Variants in TNKS observed in about 807,000 individuals in gnomAD.
The protein encoded by TNKS is tankyrase.
In TNKS, 72 loss-of-function variants were observed where a neutral mutation model predicts 135.8. That is an observed-to-expected ratio of 0.53 (90% CI 0.44 to 0.64). The LOEUF (loss-of-function observed/expected upper bound fraction) is 0.64. Among genes scored for constraint, TNKS ranks in the 30% least tolerant of loss-of-function variants. The probability of loss-of-function intolerance (pLI) is 0.00; values close to 1 mark genes in which losing one functional copy is unlikely to be tolerated. For missense variants in TNKS, 1,769 were observed against 1,674.0 expected (o/e 1.06, Z -0.99); for synonymous variants, 849 against 649.3 (o/e 1.31, Z -4.68).
chr8:9,724,704 C>G (rs1318096486), intron 12 of TNKS, among the ~76,000 whole-genome samples: 1 of 152,186 alleles, frequency 6.6e-6, no homozygotes, highest in Non-Finnish European at 1.5e-5. Flanking sequence ...TCTCTACAAT[C>G]TGGATAGTAA....
intron 1 of TNKS, among the ~76,000 whole-genome samples, chr8:9,560,730 T>G (rs1004986107): frequency 6.6e-6 from 1 of 151,978 alleles, no homozygotes; most frequent in African/African-American, 2.4e-5. Context: ...AGGGTCTAAT[T>G]TGGTAATAGA....
intron 2 of TNKS, among the ~76,000 whole-genome samples, chr8:9,599,816 A>G (rs1477234631): frequency 1.3e-5 from 2 of 152,078 alleles, no homozygotes; most frequent in Non-Finnish European, 2.9e-5. Flanking sequence ...TTGATTTTCT[A>G]TATTTATAAG....
At chr8:9,648,478 A>T (rs907690353) in intron 3 of TNKS, among the ~76,000 whole-genome samples, 2 of 152,154 alleles carry the variant, frequency 1.3e-5, no homozygotes, top group African/African-American at 2.4e-5. Flanking sequence ...TAGGATCGTC[A>T]TTATCACTGG....
At chr8:9,581,411 G>C (rs1470106967) in intron 2 of TNKS, among the ~76,000 whole-genome samples, 2 of 152,088 alleles carry the variant, frequency 1.3e-5, no homozygotes, top group African/African-American at 2.4e-5. Flanking sequence ...ACATCTTCCA[G>C]TTTCAACTGA....
intron 3 of TNKS, among the ~76,000 whole-genome samples, chr8:9,616,081 C>T (rs936927141): frequency 2.1e-4 from 32 of 152,042 alleles, no homozygotes; most frequent in Non-Finnish European, 1.5e-5. Context: ...TTTCTTGGAT[C>T]GATAGTCAAA....
intron 2 of TNKS, among the ~76,000 whole-genome samples, chr8:9,580,674 C>T (rs914760273): frequency 1.1e-4 from 16 of 152,022 alleles, no homozygotes; most frequent in African/African-American, 3.9e-4. Flanking sequence ...AAAGACTGGA[C>T]ATTTTCTATC....
chr8:9,729,569 C>T (rs965419198), intron 13 of TNKS, among the ~76,000 whole-genome samples: 15 of 152,098 alleles, frequency 9.9e-5, no homozygotes, highest in African/African-American at 3.4e-4. Context: ...AGCAGAAAGA[C>T]TAAGAGGTTA....
intron 1 of TNKS, among the ~76,000 whole-genome samples, chr8:9,560,992 A>G (rs1020517010): frequency 6.6e-6 from 1 of 152,180 alleles, no homozygotes; most frequent in Admixed American, 6.5e-5. Flanking sequence ...TGATATGTAA[A>G]TTTATTGCTA....
chr8:9,722,225 A>G (rs1244005274), intron 12 of TNKS, among the ~76,000 whole-genome samples: 1 of 152,176 alleles, frequency 6.6e-6, no homozygotes, highest in Admixed American at 6.5e-5. Flanking sequence ...ACCCCAAGAA[A>G]TACAGCCAAG....
intron 20 of TNKS, among the ~76,000 whole-genome samples, chr8:9,754,568 A>G (rs1806736853): frequency 6.6e-6 from 1 of 152,128 alleles, no homozygotes; most frequent in African/African-American, 2.4e-5. Flanking sequence ...CTTAATGATA[A>G]GAACAGCCGA....
At chr8:9,662,985 G>A (rs1194962871) in intron 3 of TNKS, among the ~76,000 whole-genome samples, 1 of 152,150 alleles carries the variant, frequency 6.6e-6, no homozygotes, top group Admixed American at 6.5e-5. Flanking sequence ...GATTATCTTG[G>A]GTTATCTGGA....
intron 3 of TNKS, among the ~76,000 whole-genome samples, chr8:9,628,401 T>C (rs1800149215): frequency 6.6e-6 from 1 of 152,182 alleles, no homozygotes; most frequent in South Asian, 2.1e-4. Flanking sequence ...AACTCTGTCT[T>C]GCATATCCGT....
At chr8:9,761,470 TAAG>T (rs757660976) in intron 20 of TNKS, 43 bp from the exon 21 acceptor site, 2 of 1,603,448 alleles carry the variant, frequency 1.2e-6, no homozygotes, top group Admixed American at 3.4e-5. Flanking sequence ...TTTGTCCTCT[TAAG>T]AACTGTTAAA....
At chr8:9,655,991 T>G (rs973442622) in intron 3 of TNKS, among the ~76,000 whole-genome samples, 3 of 152,026 alleles carry the variant, frequency 2.0e-5, no homozygotes, top group Non-Finnish European at 2.9e-5. Context: ...GTTAAAAACC[T>G]TGAAAAAAAA....
chr8:9,678,177 C>G (rs1198170813), intron 3 of TNKS, among the ~76,000 whole-genome samples: 1 of 152,160 alleles, frequency 6.6e-6, no homozygotes, highest in Non-Finnish European at 1.5e-5. Flanking sequence ...AAATGTGACT[C>G]TACGAAATTA....
chr8:9,663,289 G>A lies in TNKS; in HGVS notation c.995-16662G>A, dbSNP rs774739643. 7.2e-5 allele frequency among the ~76,000 whole-genome samples: 11 copies of A among 152,212 alleles called. No individual in the cohort carries two copies. The South Asian group carries it at 8.3e-4, about 11-fold the overall frequency. On this transcript the variant is annotated intron_variant, in intron 3 of 26. Coordinates refer to ENST00000310430, the MANE Select transcript of TNKS (RefSeq NM_003747.3). ...TAACAATAGGAAACTAATATCTGAA[G>A]TGTTTGACCTTTTGTTGCCCAGTTA...
At chr8:9,697,405 G>T (rs1336219772) in intron 5 of TNKS, among the ~76,000 whole-genome samples, 1 of 152,080 alleles carries the variant, frequency 6.6e-6, no homozygotes, top group Non-Finnish European at 1.5e-5. Context: ...AGAATTTTTG[G>T]CTAAGTCTCC....
At chr8:9,590,748 G>T (rs751595877) in intron 2 of TNKS, among the ~76,000 whole-genome samples, 1 of 152,072 alleles carries the variant, frequency 6.6e-6, no homozygotes, top group Non-Finnish European at 1.5e-5. Context: ...ATCTTTGTCC[G>T]TTATTAAATT....
At chr8:9,631,667 AT>A (rs1800294406) in intron 3 of TNKS, among the ~76,000 whole-genome samples, 1 of 151,124 alleles carries the variant, frequency 6.6e-6, no homozygotes, top group African/African-American at 2.4e-5. Context: ...TTTGTGTTTA[AT>A]TTTTCCAACT....
Sources: allele counts gnomAD v4.1 joint callset (sites outside exome capture counted in the v4.1 genomes callset), GRCh38; gene constraint gnomAD v4.1.1; transcripts MANE v1.5; gene names NCBI Gene and HGNC (gene_info 2026-07-23, HGNC 2026-07-21).